Variants in TNPO3 observed in about 807,000 individuals in gnomAD.
TNPO3 encodes transportin-3.
In TNPO3, 65 loss-of-function variants were observed where a neutral mutation model predicts 122.8. The observed-to-expected ratio is 0.53, with a 90% CI of 0.43 to 0.65. TNPO3 has a LOEUF of 0.65. Ranked by LOEUF, TNPO3 falls within the 30% of genes least tolerant of loss-of-function variation. The pLI, the probability that TNPO3 is intolerant of heterozygous loss-of-function variation, is 0.00. For synonymous variants in TNPO3, 372 were observed against 411.2 expected (o/e 0.90, Z 1.15); for missense variants, 850 against 1,136.7 (o/e 0.75, Z 3.63).
chr7:129,049,310 G>C (rs563851345), intron 1 of TNPO3, among the ~76,000 whole-genome samples: 1 of 152,264 alleles, frequency 6.6e-6, no homozygotes, highest in South Asian at 2.1e-4. Context: ...AAAAGATCAA[G>C]GTCCCAGAAA....
chr7:129,050,446 A>C (rs1191677242), intron 1 of TNPO3, among the ~76,000 whole-genome samples: 1 of 152,014 alleles, frequency 6.6e-6, no homozygotes, highest in African/African-American at 2.4e-5. Flanking sequence ...AAAACAAAAA[A>C]AGAAAAAAGT....
intron 11 of TNPO3, among the ~76,000 whole-genome samples, chr7:128,987,288 C>T (rs532303747): frequency 1.3e-5 from 2 of 152,262 alleles, no homozygotes; most frequent in Admixed American, 6.5e-5. Context: ...TACAATTATA[C>T]CGAGGGATGA....
At chr7:128,976,375 G>C (rs949249491) in intron 16 of TNPO3, among the ~76,000 whole-genome samples, 8 of 152,306 alleles carry the variant, frequency 5.3e-5, no homozygotes, top group Middle Eastern at 3.4e-3. Context: ...TAAATTTTGA[G>C]TTGCTCCTAA....
chr7:129,034,194 T>A (rs1449990778), intron 1 of TNPO3, among the ~76,000 whole-genome samples: 1 of 152,148 alleles, frequency 6.6e-6, no homozygotes, highest in Non-Finnish European at 1.5e-5. Flanking sequence ...GATTCTAACT[T>A]ATATAAGGTA....
Position 128,986,858 on chromosome 7 carries a change from T to C in TNPO3, c.1561A>G (p.Lys521Glu), listed in dbSNP as rs1348242541. Residue 521 changes from lysine to glutamate, a missense_variant, in exon 12 of 23, where the codon AAA becomes GAA. Lys to Glu is a moderately conservative substitution (Grantham distance 56). Coordinates refer to ENST00000265388, the MANE Select transcript of TNPO3 (RefSeq NM_012470.4). ...CEKPLASAAA[K>E]AIHNICSVCR... ...ACAGAGCAAATGTTATGAATGGCTT[T>C]GGCTGCAGCAGAAGCCAGGGGCTTT... The C allele has an allele frequency of 6.2e-7, 1 of 1,613,900 alleles. No homozygotes were observed. The highest frequency in any genetic ancestry group is 8.5e-7 in the Non-Finnish European group (1 of 1,179,988).
chr7:129,047,463 T>G (rs1164011023), intron 1 of TNPO3, among the ~76,000 whole-genome samples: 1 of 152,220 alleles, frequency 6.6e-6, no homozygotes, highest in African/African-American at 2.4e-5. Context: ...ATCAGTGATA[T>G]CTATCTATCA....
Position 129,005,156 on chromosome 7 carries a change from T to C in TNPO3, c.556A>G (p.Thr186Ala), listed in dbSNP as rs1563100420. 6.2e-7 allele frequency: 1 copy of C among 1,611,192 alleles called. No individual in the cohort carries two copies. The highest frequency in any genetic ancestry group is 8.5e-7 in the Non-Finnish European group (1 of 1,179,134). The change falls in exon 5 of 23, where the codon ACC (threonine) becomes GCC (alanine). Residue 186 changes from threonine (T) to alanine (A), a missense_variant. Thr to Ala is a moderately conservative substitution (Grantham distance 58, BLOSUM62 0). Transcript: ENST00000265388. ...YSSTVVSLLMTCVEKAGTDEK... is the reference protein window; with the variant it reads ...YSSTVVSLLMACVEKAGTDEK... ...TCTGTTCCTGCTTTTTCTACACAGG[T>C]CATCTGAATAGAGAAAAAAACTTAA... is the stretch of plus-strand genomic sequence containing the variant.
In TNPO3 at chr7:128,979,964, CACTT is replaced by C; in HGVS notation, c.1920+3_1920+6del. On this transcript the variant is annotated splice_donor_5th_base_variant and intron_variant, in intron 15 of 22. Coordinates refer to ENST00000265388, the MANE Select transcript of TNPO3 (RefSeq NM_012470.4). Reference sequence around the variant, plus strand: ...CCTTGATTCCACAAGCATCCATTAGCACTTACTTCCTGTATGACTTTCTGACACG... The same window carrying C: ...CCTTGATTCCACAAGCATCCATTAGCACTTCCTGTATGACTTTCTGACACG... 1 of 1,613,548 alleles carries C rather than the reference CACTT, an allele frequency of 6.2e-7. No individual in the cohort carries two copies. Among genetic ancestry groups the C allele is most frequent in the Non-Finnish European group, 8.5e-7 (1 of 1,179,482 alleles).
chr7:129,030,858 C>T (rs2150495748), intron 1 of TNPO3, among the ~76,000 whole-genome samples: 1 of 152,266 alleles, frequency 6.6e-6, no homozygotes, highest in Non-Finnish European at 1.5e-5. Context: ...CCCTTGGCTG[C>T]TAAGCAAGCA....
At chr7:129,021,135 C>G (rs1804452982) in intron 1 of TNPO3, among the ~76,000 whole-genome samples, 1 of 152,046 alleles carries the variant, frequency 6.6e-6, no homozygotes, top group Non-Finnish European at 1.5e-5. Flanking sequence ...GCAGGCAGAT[C>G]ACCTGAAGTC....
chr7:128,984,345 A>G, intron 12 of TNPO3, 86 bp from the exon 13 acceptor site: 1 of 811,860 alleles, frequency 1.2e-6, no homozygotes, highest in Non-Finnish European at 2.0e-6. Flanking sequence ...TGACCAGAAA[A>G]AGCGAACTGG....
intron 1 of TNPO3, among the ~76,000 whole-genome samples, chr7:129,032,591 C>G (rs9649520): frequency 6.6e-6 from 1 of 151,866 alleles, no homozygotes; most frequent in Non-Finnish European, 1.5e-5. Flanking sequence ...TGAAAAGAAA[C>G]AATTCCATTT....
intron 13 of TNPO3, among the ~76,000 whole-genome samples, chr7:128,982,652 T>A (rs1585333092): frequency 1.3e-5 from 2 of 152,052 alleles, no homozygotes; most frequent in Non-Finnish European, 2.9e-5. Context: ...ATAGATTGTA[T>A]ATATGTTATG....
Position 129,005,075 on chromosome 7 carries a change from C to T in TNPO3, c.637G>A (p.Val213Ile), listed in dbSNP as rs968476558. 1.9e-6 allele frequency: 3 copies of T among 1,613,866 alleles called. No individual in the cohort carries two copies. The highest frequency in any genetic ancestry group is 1.3e-5 in the African/African-American group (1 of 74,926). ...RCLGSWFNLGVLDSNFMANNK... is the reference protein window; with the variant it reads ...RCLGSWFNLGILDSNFMANNK... ...TTAGCCATGAAGTTACTGTCCAAAA[C>T]TCCCAAGTTAAACCAACTTCCCAAA... Residue 213 changes from valine to isoleucine, a missense_variant, in exon 5 of 23, where the codon GTT becomes ATT. By Grantham distance (29) the Val-to-Ile change is conservative. Transcript: ENST00000265388.
At chr7:128,983,399 G>A (rs1799830130) in intron 13 of TNPO3, among the ~76,000 whole-genome samples, 1 of 152,060 alleles carries the variant, frequency 6.6e-6, no homozygotes, top group Non-Finnish European at 1.5e-5. Context: ...GTAGAGACCA[G>A]GGTTTCACCA....
chr7:128,989,076 C>G (rs1305443330), intron 11 of TNPO3, among the ~76,000 whole-genome samples: 1 of 151,588 alleles, frequency 6.6e-6, no homozygotes, highest in East Asian at 1.9e-4. Context: ...GACTCTATCT[C>G]AAAACAACAA....
intron 1 of TNPO3, among the ~76,000 whole-genome samples, chr7:129,026,665 A>G (rs1380826109): frequency 1.3e-5 from 2 of 152,176 alleles, no homozygotes; most frequent in African/African-American, 2.4e-5. Context: ...TGGTCTCCCA[A>G]AGTGCTGGGA....
intron 2 of TNPO3, 148 bp downstream of exon 2, chr7:129,017,809 T>C: frequency 2.7e-6 from 2 of 744,312 alleles, no homozygotes; most frequent in South Asian, 3.7e-5. Context: ...AGATTAACAA[T>C]TTCGTTTTCT....
At chr7:128,956,996 T>C (rs958844944) in intron 22 of TNPO3, among the ~76,000 whole-genome samples, 1 of 152,236 alleles carries the variant, frequency 6.6e-6, no homozygotes, top group Non-Finnish European at 1.5e-5. Context: ...TACTTTCTTA[T>C]GGAGGTGAAA....
Sources: allele counts gnomAD v4.1 joint callset (sites outside exome capture counted in the v4.1 genomes callset), GRCh38; gene constraint gnomAD v4.1.1; transcripts MANE v1.5; gene names NCBI Gene and HGNC (gene_info 2026-07-23, HGNC 2026-07-21).